Variants in KREMEN1 observed in about 807,000 individuals in gnomAD.
KREMEN1 encodes the protein kringle containing transmembrane protein 1.
A neutral mutation model predicts 46.5 loss-of-function variants in KREMEN1; 30 were observed. The ratio of observed to expected loss-of-function variants is 0.65; its 90% confidence interval spans 0.48 to 0.88. KREMEN1 has a LOEUF of 0.88. KREMEN1 is among the 40% of genes least tolerant of loss of function. KREMEN1 has a pLI of 0.00. For missense variants in KREMEN1, 533 were observed against 596.9 expected, an observed-to-expected ratio of 0.89 and a Z score of 1.11; for synonymous variants, 214 against 230.6, an observed-to-expected ratio of 0.93 and a Z score of 0.65.
intron 5 of KREMEN1, among the ~76,000 whole-genome samples, chr22:29,131,560 A>ATATATATATATATGTGTG (rs1240832937): frequency 2.9e-5 from 2 of 69,940 alleles, no homozygotes; most frequent in Non-Finnish European, 5.0e-5. Flanking sequence ...ATATATATAT[A>ATATATATATATATGTGTG]TGTGTGTGTG....
At chr22:29,110,047 A>G (rs930455764) in intron 3 of KREMEN1, among the ~76,000 whole-genome samples, 2 of 152,128 alleles carry the variant, frequency 1.3e-5, no homozygotes, top group Non-Finnish European at 2.9e-5. Flanking sequence ...AATGTGTACT[A>G]GTTGTTTATT....
At chr22:29,153,136 C>A (rs573494308) in intron 9 of KREMEN1, among the ~76,000 whole-genome samples, 2 of 152,274 alleles carry the variant, frequency 1.3e-5, no homozygotes, top group Admixed American at 1.3e-4. Context: ...TGTCTTTTCA[C>A]ATGCTAATGA....
intron 5 of KREMEN1, among the ~76,000 whole-genome samples, chr22:29,129,288 A>G (rs1188471675): frequency 6.6e-6 from 1 of 151,092 alleles, no homozygotes; most frequent in African/African-American, 2.4e-5. Flanking sequence ...TGGAGGTTGC[A>G]GTGAGCCGAG....
In KREMEN1 at chr22:29,143,445, T is replaced by C. The variant is rs2038801556; in HGVS notation, c.*1333T>C. 9 of 985,074 alleles carry C rather than the reference T, an allele frequency of 9.1e-6. No homozygotes were observed. The highest frequency in any genetic ancestry group is 4.7e-5 in the South Asian group (1 of 21,274). 61.0% of individuals were successfully genotyped at this position (985,074 alleles called of 1,614,324 possible). A position where few individuals can be genotyped will look rare whatever the true frequency, so the allele number is the denominator to read the frequency against. ...TTCTGGTGTCCCCCGTGTTAAAAGA[T>C]AAAAAACACCCCAAGGGCCGGGCGC... On this transcript the variant is annotated 3_prime_UTR_variant, in exon 9 of 9. Transcript: ENST00000400335.
At chr22:29,150,672 T>A (rs577391964), downstream of KREMEN1, among the ~76,000 whole-genome samples, 4 of 152,248 alleles carry the variant, frequency 2.6e-5, no homozygotes, top group East Asian at 5.8e-4. Context: ...CCTCAAGGGG[T>A]ATTCAGACCT....
chr22:29,157,625 A>G (rs1306064651), intron 9 of KREMEN1, among the ~76,000 whole-genome samples: 2 of 152,070 alleles, frequency 1.3e-5, no homozygotes, highest in African/African-American at 4.8e-5. Flanking sequence ...GGTGTGAGCC[A>G]CCACATCCAG....
At chr22:29,099,547 C>CTTTTTTTTTTTTTTT (rs56950687) in intron 3 of KREMEN1, 2 of 108,820 alleles carry the variant, frequency 1.8e-5, no homozygotes, top group African/African-American at 7.3e-5. Flanking sequence ...ACTTTTTTTC[C>CTTTTTTTTTTTTTTT]TTTTTTTTTT....
intron 1 of KREMEN1, among the ~76,000 whole-genome samples, chr22:29,085,952 C>G (rs995660960): frequency 2.2e-5 from 3 of 135,432 alleles, no homozygotes; most frequent in Admixed American, 1.5e-4. Context: ...GCCTGTGTGA[C>G]AGAGCAATAC....
At chr22:29,105,003 CG>C (rs1475266284) in intron 3 of KREMEN1, among the ~76,000 whole-genome samples, 1 of 152,152 alleles carries the variant, frequency 6.6e-6, no homozygotes, top group Non-Finnish European at 1.5e-5. Context: ...TTGTACAAAA[CG>C]GGGGACACAA....
chr22:29,116,839 C>A (rs911651295), intron 3 of KREMEN1, among the ~76,000 whole-genome samples: 1 of 152,204 alleles, frequency 6.6e-6, no homozygotes, highest in African/African-American at 2.4e-5. Flanking sequence ...TGACTCACTG[C>A]AGTTGTTTAA....
chr22:29,117,917 A>G (rs2038269353), intron 3 of KREMEN1, among the ~76,000 whole-genome samples: 1 of 152,242 alleles, frequency 6.6e-6, no homozygotes. Context: ...TGGTGGCTTA[A>G]AACAACACAC....
chr22:29,129,916 T>C (rs944882242), intron 5 of KREMEN1, among the ~76,000 whole-genome samples: 3 of 152,196 alleles, frequency 2.0e-5, no homozygotes, highest in Admixed American at 6.5e-5. Flanking sequence ...CTAGGGATTA[T>C]AATTTATTGA....
chr22:29,131,560 A>ATGTGTG lies in KREMEN1; in HGVS notation c.632-5752_632-5747dup, dbSNP rs1176208187. ...TATATATATATATATATATATATAT[A>ATGTGTG]TGTGTGTGTGTGTGTGTGTGTGTGT... On this transcript the variant is annotated intron_variant, in intron 5 of 8. Transcript: ENST00000400335. Among the ~76,000 whole-genome samples, 168 of 69,848 alleles carry ATGTGTG rather than the reference A, an allele frequency of 2.4e-3. 2 individuals are homozygous for ATGTGTG. The highest frequency in any genetic ancestry group is 6.0e-3 in the East Asian group (18 of 3,016). The allele number at this position is 69,848 out of a possible 152,430, so 45.8% of individuals were successfully genotyped here.
chr22:29,135,668 G>T (rs1282522909), intron 5 of KREMEN1, among the ~76,000 whole-genome samples: 3 of 152,148 alleles, frequency 2.0e-5, no homozygotes, highest in African/African-American at 7.2e-5. Flanking sequence ...CGTTGTGTCT[G>T]GGACTCCCAG....
Position 29,142,241 on chromosome 22 carries a change from C to T in KREMEN1, c.*129C>T. Reference sequence around the variant, plus strand: ...CTCTGCCTCGGCCTCTTCGGGGAAACCCTCCTCCTACAGACTAGGAAGAGG... The same window carrying T: ...CTCTGCCTCGGCCTCTTCGGGGAAATCCTCCTCCTACAGACTAGGAAGAGG... On this transcript the variant is annotated 3_prime_UTR_variant, in exon 9 of 9. Coordinates refer to ENST00000400335, the MANE Select transcript of KREMEN1 (RefSeq NM_001039570.3). 2 of 1,386,066 alleles carry T rather than the reference C, an allele frequency of 1.4e-6. No individual in the cohort carries two copies. Among genetic ancestry groups the T allele is most frequent in the South Asian group, 3.8e-5 (2 of 52,788 alleles). The allele number at this position is 1,386,066 out of a possible 1,614,324, so 85.9% of individuals were successfully genotyped here.
chr22:29,156,706 C>T (rs1239645433), intron 9 of KREMEN1, among the ~76,000 whole-genome samples: 5 of 152,230 alleles, frequency 3.3e-5, no homozygotes, highest in African/African-American at 9.6e-5. Context: ...TCAAACCACT[C>T]GGGGGAGCCC....
intron 4 of KREMEN1, 191 bp from the exon 5 acceptor site, chr22:29,125,072 T>G: frequency 8.0e-5 from 47 of 590,398 alleles, no homozygotes; most frequent in East Asian, 1.1e-4. Context: ...GGGAAACACA[T>G]TGGTGGTTGC....
chr22:29,120,470 G>A lies in KREMEN1; in HGVS notation c.353-887G>A, dbSNP rs1229505142. On this transcript the variant is annotated intron_variant, in intron 3 of 8. Coordinates refer to ENST00000400335, the MANE Select transcript of KREMEN1 (RefSeq NM_001039570.3). The stretch of plus-strand genomic sequence containing the variant: ...GAAACAGGGAGGAGGGAGACGTGAT[G>A]ATGGAAACAGGGAGGAAGGAGAGGT... Among the ~76,000 whole-genome samples, 139 of 118,286 alleles carry A rather than the reference G, an allele frequency of 1.2e-3. 16 individuals are homozygous for A. Among genetic ancestry groups the A allele is most frequent in the African/African-American group, 5.2e-3 (136 of 25,914 alleles). 77.6% of individuals were successfully genotyped at this position (118,286 alleles called of 152,430 possible).
intron 1 of KREMEN1, among the ~76,000 whole-genome samples, chr22:29,078,816 T>C (rs902806534): frequency 2.0e-5 from 3 of 152,252 alleles, no homozygotes; most frequent in Non-Finnish European, 4.4e-5. Context: ...CTTAGAAAAC[T>C]ACCTGTATAG....
Sources: allele counts gnomAD v4.1 joint callset (sites outside exome capture counted in the v4.1 genomes callset), GRCh38; gene constraint gnomAD v4.1.1; transcripts MANE v1.5; gene names NCBI Gene and HGNC (gene_info 2026-07-23, HGNC 2026-07-21).